AP1B1: variants seen among roughly 807,000 people sequenced by gnomAD.
AP1B1 encodes adaptor related protein complex 1 subunit beta 1.
A neutral mutation model predicts 104.3 loss-of-function variants in AP1B1; 36 were observed. The ratio of observed to expected loss-of-function variants is 0.35; its 90% CI spans 0.26 to 0.46. The LOEUF is 0.46. Ranked by LOEUF, AP1B1 falls within the 20% of genes least tolerant of loss-of-function variation. AP1B1 has a pLI of 1.00. For missense variants in AP1B1, 901 were observed against 1,247.9 expected, an observed-to-expected ratio of 0.72 and a Z score of 4.19; for synonymous variants, 504 against 517.5, an observed-to-expected ratio of 0.97 and a Z score of 0.35.
chr22:29,349,308 G>A lies in AP1B1; in HGVS notation c.1347C>T (p.Ile449=). Reference sequence around the variant, plus strand: ...GTTCCGCGTACTCGCCCACAATCCAGATCATGGCAGCCCGGGCCTCAGGCT... The same window carrying A: ...GTTCCGCGTACTCGCCCACAATCCAAATCATGGCAGCCCGGGCCTCAGGCT... ...LDEPEARAAM[I]WIVGEYAERI... is the part of the protein sequence containing the mutation. The change falls in exon 11 of 23, where the codon ATC becomes ATT. Residue 449 remains isoleucine (I), a synonymous_variant. Coordinates refer to ENST00000357586, the MANE Select transcript of AP1B1 (RefSeq NM_001127.4). 6.2e-7 allele frequency: 1 copy of A among 1,614,112 alleles called. No homozygotes were observed. Among genetic ancestry groups the A allele is most frequent in the South Asian group, 1.1e-5 (1 of 91,090 alleles).
intron 1 of AP1B1, among the ~76,000 whole-genome samples, chr22:29,369,521 G>C (rs1407029999): frequency 6.6e-6 from 1 of 152,238 alleles, no homozygotes; most frequent in East Asian, 1.9e-4. Context: ...GGAAAGAGCA[G>C]AAGAGCCCAC....
intron 7 of AP1B1, among the ~76,000 whole-genome samples, chr22:29,353,772 T>C (rs2061913128): frequency 1.3e-5 from 2 of 152,208 alleles, no homozygotes; most frequent in African/African-American, 4.8e-5. Flanking sequence ...CCACAGGGCC[T>C]GCTGTAACAT....
intron 1 of AP1B1, among the ~76,000 whole-genome samples, chr22:29,385,569 A>T (rs751574036): frequency 2.6e-5 from 4 of 152,206 alleles, no homozygotes; most frequent in Non-Finnish European, 5.9e-5. Flanking sequence ...ACTAGGAGCC[A>T]CTGATGAATT....
chr22:29,355,572 T>C (rs1432870010), intron 6 of AP1B1, among the ~76,000 whole-genome samples: 1 of 152,044 alleles, frequency 6.6e-6, no homozygotes, highest in African/African-American at 2.4e-5. Context: ...GTTTCTTCAT[T>C]TATAGAATCA....
At chr22:29,350,405 T>C (rs191042948) in intron 9 of AP1B1, among the ~76,000 whole-genome samples, 1 of 152,176 alleles carries the variant, frequency 6.6e-6, no homozygotes, top group Non-Finnish European at 1.5e-5. Context: ...AGGAGGGTCC[T>C]TGGAGCTCCT....
intron 21 of AP1B1, chr22:29,329,931 G>A (rs987867706): frequency 1.7e-5 from 24 of 1,429,624 alleles, no homozygotes; most frequent in Non-Finnish European, 2.1e-5. Flanking sequence ...CCCTGGAACA[G>A]CGGTGCAGGC....
intron 21 of AP1B1, 160 bp from the exon 22 acceptor site, chr22:29,329,880 C>T (rs1276447144): frequency 2.7e-6 from 4 of 1,469,732 alleles, no homozygotes; most frequent in Non-Finnish European, 2.7e-6. Flanking sequence ...GCCAGAGACT[C>T]AGGGGTGTGG....
At chr22:29,375,156 C>T (rs1270112769) in intron 1 of AP1B1, among the ~76,000 whole-genome samples, 2 of 151,980 alleles carry the variant, frequency 1.3e-5, no homozygotes, top group Non-Finnish European at 2.9e-5. Flanking sequence ...CGAGACCAGC[C>T]TGGCCAACAT....
At chr22:29,371,455 GGC>G (rs2062235950) in intron 1 of AP1B1, among the ~76,000 whole-genome samples, 1 of 152,190 alleles carries the variant, frequency 6.6e-6, no homozygotes, top group South Asian at 2.1e-4. Flanking sequence ...GCAGCGGCTG[GGC>G]GCGGTGGCTT....
At chr22:29,369,407 TA>T (rs1246084764) in intron 1 of AP1B1, among the ~76,000 whole-genome samples, 3 of 152,152 alleles carry the variant, frequency 2.0e-5, no homozygotes, top group African/African-American at 7.2e-5. Context: ...AATAAAGGAA[TA>T]AAGGCTTCAC....
At chr22:29,354,182 TC>T (rs2061919255) in intron 7 of AP1B1, among the ~76,000 whole-genome samples, 1 of 152,140 alleles carries the variant, frequency 6.6e-6, no homozygotes, top group South Asian at 2.1e-4. Context: ...ACGGACTCTG[TC>T]CCCCGAAGAA....
At position 29,363,838 on chromosome 22, in the gene AP1B1, G is replaced by A. The variant is rs540550646; in HGVS notation, c.38-732C>T. Among the ~76,000 whole-genome samples, 67 of 151,948 alleles carry A rather than the reference G, an allele frequency of 4.4e-4. No homozygotes were observed. In the South Asian group the frequency reaches 0.013, roughly 29 times the overall value. On this transcript the variant is annotated intron_variant, in intron 2 of 22. Transcript: ENST00000357586. The stretch of plus-strand genomic sequence containing the variant: ...TTTGAGCCCAGAGATCGAGGTTGCC[G>A]TGAGCCATGACACCACTACACTCCA...
chr22:29,336,786 A>C (rs1282844842), intron 16 of AP1B1, among the ~76,000 whole-genome samples: 1 of 150,774 alleles, frequency 6.6e-6, no homozygotes, highest in Non-Finnish European at 1.5e-5. Flanking sequence ...CCTGTGTGAC[A>C]AGAGCAAAAC....
intron 1 of AP1B1, among the ~76,000 whole-genome samples, chr22:29,368,072 T>G (rs925265138): frequency 6.6e-6 from 1 of 151,878 alleles, no homozygotes; most frequent in Non-Finnish European, 1.5e-5. Flanking sequence ...CTGAGGCGGG[T>G]GGATCACCTG....
At chr22:29,362,701 C>T (rs2062070366) in intron 3 of AP1B1, among the ~76,000 whole-genome samples, 2 of 152,188 alleles carry the variant, frequency 1.3e-5, no homozygotes, top group Admixed American at 1.3e-4. Flanking sequence ...TCCTCTTCCC[C>T]AGCCAGTACT....
chr22:29,370,340 C>T (rs1304731977), intron 1 of AP1B1, among the ~76,000 whole-genome samples: 1 of 151,710 alleles, frequency 6.6e-6, no homozygotes, highest in Non-Finnish European at 1.5e-5. Context: ...GTAGTCCCAG[C>T]TACTCGGGAG....
intron 1 of AP1B1, among the ~76,000 whole-genome samples, chr22:29,377,968 C>T (rs2062373233): frequency 6.6e-6 from 1 of 152,082 alleles, no homozygotes; most frequent in African/African-American, 2.4e-5. Context: ...TCCACTGCTG[C>T]CCCCTAATAA....
intron 16 of AP1B1, among the ~76,000 whole-genome samples, chr22:29,335,243 C>T (rs1423441643): frequency 6.6e-6 from 1 of 152,202 alleles, no homozygotes; most frequent in African/African-American, 2.4e-5. Context: ...TGTGGGCTCA[C>T]AAACGCCTCT....
intron 13 of AP1B1, 142 bp downstream of exon 13, chr22:29,341,359 C>A: frequency 1.9e-6 from 2 of 1,071,882 alleles, no homozygotes; most frequent in South Asian, 3.2e-5. Context: ...ACCTTGTGTA[C>A]AATAAATAGC....
Sources: gnomAD v4.1 joint callset for allele counts (sites outside exome capture counted in the v4.1 genomes callset) on GRCh38, gnomAD v4.1.1 for gene constraint, MANE v1.5 for transcripts, NCBI Gene and HGNC (gene_info 2026-07-23, HGNC 2026-07-21) for gene names.